The following IDE variants were observed in gnomAD, a reference collection of about 807,000 sequenced individuals.
IDE encodes insulin degrading enzyme.
Under a neutral mutation model 133.2 loss-of-function variants are expected in IDE, and 58 were observed. The observed-to-expected ratio is 0.44, with a 90% CI of 0.35 to 0.54. The LOEUF (loss-of-function observed/expected upper bound fraction) is 0.54. Among genes scored for constraint, IDE ranks in the 20% least tolerant of loss-of-function variants. The probability of loss-of-function intolerance (pLI) is 0.00; values close to 1 mark genes in which losing one functional copy is unlikely to be tolerated. For synonymous variants in IDE, 396 were observed against 421.3 expected (o/e 0.94, Z 0.73); for missense variants, 981 against 1,234.0 (o/e 0.79, Z 3.07).
At chr10:92,529,153 T>C (rs1849783524) in intron 4 of IDE, among the ~76,000 whole-genome samples, 1 of 152,138 alleles carries the variant, frequency 6.6e-6, no homozygotes, top group African/African-American at 2.4e-5. Context: ...CAAAAACATC[T>C]GAGGCCAAAG....
intron 12 of IDE, among the ~76,000 whole-genome samples, chr10:92,489,985 G>A (rs949835140): frequency 6.6e-6 from 1 of 152,170 alleles, no homozygotes; most frequent in African/African-American, 2.4e-5. Flanking sequence ...ACTGATGAAT[G>A]GGACAAAATA....
rs1213214246 is a variant in IDE, at chr10:92,487,075, AC to A, written c.1656+120del. 5 of 849,784 alleles carry A rather than the reference AC, an allele frequency of 5.9e-6. No individual in the cohort carries two copies. In the Admixed American group the frequency reaches 1.4e-4, roughly 24 times the overall value. 52.6% of individuals were successfully genotyped at this position (849,784 alleles called of 1,614,324 possible). ...TTATTCTTTCTGCAGCTTTTTTGTC[AC>A]CTATTAGGATGTGAGCCTCCCCAAA... On this transcript the variant is annotated intron_variant, in intron 13 of 24. Coordinates refer to ENST00000265986, the MANE Select transcript of IDE (RefSeq NM_004969.4).
chr10:92,458,508 T>TTG (rs1463133137), intron 22 of IDE, among the ~76,000 whole-genome samples: 1 of 112,828 alleles, frequency 8.9e-6, no homozygotes, highest in Admixed American at 9.0e-5. Flanking sequence ...TTTTTTTTTT[T>TTG]TTTTTTTTTT....
rs1165958087 is a variant in IDE, at chr10:92,494,267, C to T, written c.1431-3672G>A. Among the ~76,000 whole-genome samples, 6 of 149,294 alleles carry T rather than the reference C, an allele frequency of 4.0e-5. No individual in the cohort carries two copies. The South Asian group carries it at 1.1e-3, about 26-fold the overall frequency. ...TTTTTTGGTAGAAATGAGGTCTCAC[C>T]ACGTTGCCCAGGCTGGTCTCAAACT... On this transcript the variant is annotated intron_variant, in intron 11 of 24. Coordinates refer to ENST00000265986, the MANE Select transcript of IDE (RefSeq NM_004969.4).
intron 1 of IDE, among the ~76,000 whole-genome samples, chr10:92,560,076 T>G (rs1373206554): frequency 2.0e-5 from 3 of 152,184 alleles, no homozygotes; most frequent in Non-Finnish European, 2.9e-5. Flanking sequence ...TGATTTCCTC[T>G]GCCCCTTTTG....
chr10:92,543,217 C>CA (rs1192802684), intron 1 of IDE, among the ~76,000 whole-genome samples: 1 of 152,212 alleles, frequency 6.6e-6, no homozygotes, highest in Non-Finnish European at 1.5e-5. Flanking sequence ...AGCACTCATG[C>CA]ATGTGGAGGA....
chr10:92,465,648 C>T, intron 20 of IDE, 28 bp downstream of exon 20: 1 of 1,591,722 alleles, frequency 6.3e-7, no homozygotes, highest in Non-Finnish European at 8.6e-7. Context: ...GTCTACAGTA[C>T]CCTGCTATTT....
In IDE at chr10:92,497,640, G is replaced by C. The variant is rs888278737; in HGVS notation, c.1431-7045C>G. The stretch of plus-strand genomic sequence containing the variant: ...CCTACCTGGTTGCAATGTTAAACTT[G>C]TCTCAGCGGGTATTAAAGAAGGTAA... On this transcript the variant is annotated intron_variant, in intron 11 of 24. Coordinates refer to ENST00000265986, the MANE Select transcript of IDE (RefSeq NM_004969.4). The C allele has an allele frequency of 2.4e-5, 16 of 658,550 alleles. No homozygotes were observed. The East Asian group carries it at 2.0e-3, about 84-fold the overall frequency. The allele number at this position is 658,550 out of a possible 1,614,324, so 40.8% of individuals were successfully genotyped here. A position where few individuals can be genotyped will look rare whatever the true frequency, so the allele number is the denominator to read the frequency against.
intron 21 of IDE, among the ~76,000 whole-genome samples, chr10:92,462,987 A>G (rs1014578997): frequency 1.2e-4 from 19 of 152,234 alleles, no homozygotes; most frequent in African/African-American, 3.9e-4. Context: ...GCTTGAGCCT[A>G]GGAATTCAAG....
chr10:92,473,548 A>G (rs1043039028), intron 17 of IDE, among the ~76,000 whole-genome samples: 3 of 152,164 alleles, frequency 2.0e-5, no homozygotes, highest in South Asian at 4.1e-4. Context: ...CTAGGGAAAA[A>G]AACAACAAAA....
chr10:92,501,048 A>C (rs1448637586), intron 11 of IDE, among the ~76,000 whole-genome samples: 1 of 140,980 alleles, frequency 7.1e-6, no homozygotes, highest in Non-Finnish European at 1.6e-5. Flanking sequence ...CTCAGAAAAA[A>C]AAAAAAGAAA....
intron 1 of IDE, among the ~76,000 whole-genome samples, chr10:92,542,478 T>C (rs1266350475): frequency 1.3e-5 from 2 of 151,920 alleles, no homozygotes; most frequent in South Asian, 2.1e-4. Context: ...TTTGTAGAGA[T>C]GGGGTTTTGC....
At chr10:92,495,130 C>T (rs1334460043) in intron 11 of IDE, among the ~76,000 whole-genome samples, 1 of 149,938 alleles carries the variant, frequency 6.7e-6, no homozygotes, top group Non-Finnish European at 1.5e-5. Flanking sequence ...GTGGTATGAT[C>T]TCGGCTCCCT....
chr10:92,515,918 C>T (rs1848896117), intron 4 of IDE, among the ~76,000 whole-genome samples: 1 of 149,390 alleles, frequency 6.7e-6, no homozygotes, highest in Non-Finnish European at 1.5e-5. Flanking sequence ...GCCTATAATC[C>T]AAGCACTTTG....
At chr10:92,555,717 C>T (rs1029900209) in intron 1 of IDE, among the ~76,000 whole-genome samples, 14 of 152,070 alleles carry the variant, frequency 9.2e-5, no homozygotes, top group Admixed American at 8.5e-4. Flanking sequence ...TATGAATAAG[C>T]TACTGCTAGC....
intron 22 of IDE, among the ~76,000 whole-genome samples, chr10:92,460,160 T>A (rs1056898994): frequency 1.3e-5 from 2 of 152,182 alleles, no homozygotes; most frequent in Non-Finnish European, 2.9e-5. Context: ...TAAAGCTTGC[T>A]GGGAAGACTT....
chr10:92,506,465 A>G lies in IDE; in HGVS notation c.1303T>C (p.Ser435Pro). 1 of 1,580,492 alleles carries G rather than the reference A, an allele frequency of 6.3e-7. No individual in the cohort carries two copies. Among genetic ancestry groups the G allele is most frequent in the Non-Finnish European group, 8.7e-7 (1 of 1,151,964 alleles). ...KDKERPRGYT[S>P]KIAGILHYYP... ...ACATGCAATATTCCTGCAATCTTAG[A>G]TGTATAGCCCCGTGGCCTCTCTTTG... The change falls in exon 10 of 25, where the codon TCT becomes CCT. Residue 435 changes from serine to proline, a missense_variant. Coordinates refer to ENST00000265986, the MANE Select transcript of IDE (RefSeq NM_004969.4).
chr10:92,536,903 A>G (rs1447686768), intron 2 of IDE, among the ~76,000 whole-genome samples: 1 of 149,722 alleles, frequency 6.7e-6, no homozygotes, highest in Non-Finnish European at 1.5e-5. Context: ...CTGGGCATGG[A>G]GGCCCATGCC....
chr10:92,523,598 G>A (rs1054440523), intron 4 of IDE, among the ~76,000 whole-genome samples: 2 of 151,146 alleles, frequency 1.3e-5, no homozygotes, highest in Middle Eastern at 3.4e-3. Flanking sequence ...CAACTTGGGT[G>A]GCTGAGACAT....
Sources: allele counts gnomAD v4.1 joint callset (sites outside exome capture counted in the v4.1 genomes callset), GRCh38; gene constraint gnomAD v4.1.1; transcripts MANE v1.5; gene names NCBI Gene and HGNC (gene_info 2026-07-23, HGNC 2026-07-21).